Variants in EPB41L1 observed in about 807,000 individuals in gnomAD.
EPB41L1 encodes the protein band 4.1-like protein 1.
A neutral mutation model predicts 97.8 loss-of-function variants in EPB41L1; 29 were observed. The observed-to-expected ratio is 0.30, with a 90% CI of 0.22 to 0.40. The LOEUF (loss-of-function observed/expected upper bound fraction) is 0.40, where lower values mean the gene tolerates loss of function less well. Ranked by LOEUF, EPB41L1 falls within the 10% of genes least tolerant of loss-of-function variation. The pLI, the probability that EPB41L1 is intolerant of heterozygous loss-of-function variation, is 1.00. For synonymous variants in EPB41L1, 383 were observed against 459.2 expected, an observed-to-expected ratio of 0.83 and a Z score of 2.12; for missense variants, 812 against 1,162.3, an observed-to-expected ratio of 0.70 and a Z score of 4.38.
chr20:36,093,125 G>A lies in EPB41L1; in HGVS notation c.-65+1513G>A, dbSNP rs950931368. On this transcript the variant is annotated intron_variant, in intron 1 of 19. Coordinates refer to the EPB41L1 transcript ENST00000202028. The surrounding 1 kb of genome is among the most constrained non-coding windows in gnomAD (Gnocchi z 5.4). ...GTGCGCCGGGTGTGCATCTGTGTGT[G>A]CGTGTGTGAGGGTGTGTGCCTTGCG... Among the ~76,000 whole-genome samples, 3 of 152,152 alleles carry A rather than the reference G, an allele frequency of 2.0e-5. No homozygotes were observed. In the East Asian group the frequency reaches 5.8e-4, roughly 29 times the overall value.
chr20:36,094,788 G>A (rs1367102388), intron 1 of EPB41L1, among the ~76,000 whole-genome samples: 1 of 152,030 alleles, frequency 6.6e-6, no homozygotes, highest in East Asian at 1.9e-4. Context: ...CTGGCCTGGA[G>A]TTCATGAGCT....
At position 36,206,822 on chromosome 20, in the gene EPB41L1, G is replaced by A; in HGVS notation, c.1669-2666G>A. On this transcript the variant is annotated intron_variant, in intron 14 of 21. Transcript: ENST00000338074. The surrounding 1 kb of genome is among the most constrained non-coding windows in gnomAD (Gnocchi z 5.5). ...GCCCGAGAGGAAGGGACCCCCGTGA[G>A]TGGAGATTTGCTGGGAAAGGCTGAG... 1 of 1,289,904 alleles carries A rather than the reference G, an allele frequency of 7.8e-7. No homozygotes were observed. Among genetic ancestry groups the A allele is most frequent in the Non-Finnish European group, 1.0e-6 (1 of 988,888 alleles). The allele number at this position is 1,289,904 out of a possible 1,614,324, so 79.9% of individuals were successfully genotyped here. A position where few individuals can be genotyped will look rare whatever the true frequency, so the allele number is the denominator to read the frequency against.
At chr20:36,149,446 A>G (rs1394474342) in intron 2 of EPB41L1, among the ~76,000 whole-genome samples, 1 of 152,166 alleles carries the variant, frequency 6.6e-6, no homozygotes, top group Non-Finnish European at 1.5e-5. Context: ...AGGGAAGGGT[A>G]AGGTCTCTGG....
chr20:36,192,166 C>G (rs1171953416), intron 11 of EPB41L1, among the ~76,000 whole-genome samples: 1 of 151,784 alleles, frequency 6.6e-6, no homozygotes, highest in East Asian at 1.9e-4. Flanking sequence ...GCAGAGGTTG[C>G]AGTGAGCTCA....
chr20:36,139,085 T>C lies in EPB41L1; in HGVS notation c.-10+26605T>C, dbSNP rs1226694565. 7.2e-5 allele frequency among the ~76,000 whole-genome samples: 11 copies of C among 152,320 alleles called. No homozygotes were observed. The East Asian group carries it at 1.9e-3, about 27-fold the overall frequency. On this transcript the variant is annotated intron_variant, in intron 2 of 19. Coordinates refer to the EPB41L1 transcript ENST00000202028. ...TGACAGGCTCTTATTCAGCCTCTTG[T>C]GGTGATTGCCTTGTGGATCCACAGA...
Position 36,177,251 on chromosome 20 carries a change from T to C in EPB41L1, c.343-701T>C, listed in dbSNP as rs1035508681. Among the ~76,000 whole-genome samples, 4 of 152,314 alleles carry C rather than the reference T, an allele frequency of 2.6e-5. No individual in the cohort carries two copies. In the East Asian group the frequency reaches 7.7e-4, roughly 29 times the overall value. On this transcript the variant is annotated intron_variant, in intron 3 of 21. Coordinates refer to ENST00000338074, the MANE Select transcript of EPB41L1 (RefSeq NM_012156.2). Reference sequence around the variant, plus strand: ...CATGTGATCCCCTTATTGGTGCTCATCTTTACCCCTGTGGGTTTGGAGTGC... The same window carrying C: ...CATGTGATCCCCTTATTGGTGCTCACCTTTACCCCTGTGGGTTTGGAGTGC...
At chr20:36,183,525 T>A (rs749401886) in intron 6 of EPB41L1, among the ~76,000 whole-genome samples, 7 of 152,134 alleles carry the variant, frequency 4.6e-5, no homozygotes, top group Non-Finnish European at 1.0e-4. Context: ...TCAATCCCCC[T>A]GGTCTTCCCT....
intron 1 of EPB41L1, among the ~76,000 whole-genome samples, chr20:36,104,894 C>T (rs1481729992): frequency 2.0e-5 from 3 of 152,092 alleles, no homozygotes; most frequent in African/African-American, 7.2e-5. Context: ...CTGGATGGAC[C>T]TAGGCCTGTG....
intron 5 of EPB41L1, among the ~76,000 whole-genome samples, chr20:36,179,852 C>T (rs879920332): frequency 2.0e-5 from 3 of 152,238 alleles, no homozygotes; most frequent in Admixed American, 6.5e-5. Context: ...GGCACACAGA[C>T]AGAGTGCACT....
At position 36,209,836 on chromosome 20, in the gene EPB41L1, G is replaced by A. The variant is rs888934119; in HGVS notation, c.2017G>A (p.Gly673Arg). The A allele has an allele frequency of 1.2e-6, 2 of 1,613,806 alleles. No individual in the cohort carries two copies. The highest frequency in any genetic ancestry group is 1.7e-5 in the Admixed American group (1 of 60,018). The change falls in exon 15 of 22, where the codon GGG (glycine) becomes AGG (arginine). Residue 673 changes from glycine (G) to arginine (R), a missense_variant. Gly to Arg is a moderately radical substitution (Grantham distance 125). Coordinates refer to ENST00000338074, the MANE Select transcript of EPB41L1 (RefSeq NM_012156.2). The surrounding 1 kb of genome is among the most constrained non-coding windows in gnomAD (Gnocchi z 4.2). ...GGCCCCCAGCCAGGATGATGAGTCT[G>A]GGGGCATTGAGGACAGCCCGGATCG... Reference protein sequence around the residue: ...KGAPSQDDESGGIEDSPDRGA... With the variant: ...KGAPSQDDESRGIEDSPDRGA...
In EPB41L1 at chr20:36,093,272, A is replaced by C. The variant is rs1033958591; in HGVS notation, c.-65+1660A>C. On this transcript the variant is annotated intron_variant, in intron 1 of 19. Coordinates refer to the EPB41L1 transcript ENST00000202028. The surrounding 1 kb of genome is among the most constrained non-coding windows in gnomAD (Gnocchi z 5.4). The stretch of plus-strand genomic sequence containing the variant: ...GTAGCAGTGTGTACACCTCTGGGTG[A>C]GGGCGTGTGCCAGTGGCTTCGCTTG... 1.4e-5 allele frequency among the ~76,000 whole-genome samples: 2 copies of C among 148,000 alleles called. No individual in the cohort carries two copies. The highest frequency in any genetic ancestry group is 3.0e-5 in the Non-Finnish European group (2 of 67,360).
chr20:36,189,615 A>G (rs1195276521), intron 9 of EPB41L1, among the ~76,000 whole-genome samples: 1 of 152,118 alleles, frequency 6.6e-6, no homozygotes, highest in Non-Finnish European at 1.5e-5. Flanking sequence ...ACCTAGATCT[A>G]GGTCTAGAGG....
At chr20:36,129,814 A>G (rs1012632070) in intron 2 of EPB41L1, among the ~76,000 whole-genome samples, 2 of 151,946 alleles carry the variant, frequency 1.3e-5, no homozygotes, top group African/African-American at 4.8e-5. Context: ...GCCAGGCTGG[A>G]GTGCAGTGGC....
At chr20:36,104,358 A>G (rs1380520746) in intron 1 of EPB41L1, among the ~76,000 whole-genome samples, 1 of 152,224 alleles carries the variant, frequency 6.6e-6, no homozygotes, top group Non-Finnish European at 1.5e-5. Flanking sequence ...GGGAAAGAGC[A>G]GAGCGGAAGC....
At chr20:36,197,658 T>A in intron 13 of EPB41L1, 1 of 985,370 alleles carries the variant, frequency 1.0e-6, no homozygotes, top group Non-Finnish European at 1.2e-6. Flanking sequence ...CAGTGCTCTG[T>A]GCCTTGGGAT....
At chr20:36,177,208 T>G (rs1396791007) in intron 3 of EPB41L1, among the ~76,000 whole-genome samples, 1 of 152,208 alleles carries the variant, frequency 6.6e-6, no homozygotes, top group East Asian at 1.9e-4. Context: ...GGGTGGTGAC[T>G]GCCTCCTGTT....
intron 5 of EPB41L1, among the ~76,000 whole-genome samples, chr20:36,179,454 C>A (rs369621348): frequency 7.2e-5 from 11 of 152,336 alleles, no homozygotes; most frequent in African/African-American, 2.4e-4. Context: ...GCCTGGTCTT[C>A]CAACACCATC....
At chr20:36,139,125 G>A (rs940593926) in intron 2 of EPB41L1, among the ~76,000 whole-genome samples, 17 of 152,176 alleles carry the variant, frequency 1.1e-4, no homozygotes, top group African/African-American at 3.6e-4. Flanking sequence ...CGGCCCAAGA[G>A]GGCCAGCTTC....
At position 36,132,572 on chromosome 20, in the gene EPB41L1, G is replaced by GC. The variant is rs1555836959; in HGVS notation, c.-10+20092_-10+20093insC. 2.3e-3 allele frequency among the ~76,000 whole-genome samples: 297 copies of GC among 127,290 alleles called. 5 individuals carry two copies. The highest frequency in any genetic ancestry group is 3.1e-3 in the Non-Finnish European group (186 of 60,564). The allele number at this position is 127,290 out of a possible 152,430, so 83.5% of individuals were successfully genotyped here. On this transcript the variant is annotated intron_variant, in intron 2 of 19. Transcript: ENST00000202028. ...GACATGGACATCTTTGTGGGCGGGGGGGGGGGGCGCATTATTATGCCTGCC... is the reference window on the plus strand; with the variant it reads ...GACATGGACATCTTTGTGGGCGGGGGCGGGGGGGCGCATTATTATGCCTGCC...
Sources: allele counts gnomAD v4.1 joint callset (sites outside exome capture counted in the v4.1 genomes callset), GRCh38; gene constraint gnomAD v4.1.1; non-coding constraint Gnocchi (gnomAD v3.1); transcripts MANE v1.5; gene names NCBI Gene and HGNC (gene_info 2026-07-23, HGNC 2026-07-21).